The following TMPRSS15 variants were observed in gnomAD, a reference collection of about 807,000 sequenced individuals.
The protein encoded by TMPRSS15 is enteropeptidase.
TMPRSS15 carries 128 observed loss-of-function variants against 125.3 expected under a neutral mutation model. That is an observed-to-expected ratio of 1.02 (90% CI 0.89 to 1.18). TMPRSS15 has a LOEUF of 1.18. TMPRSS15 is among the 50% of genes most tolerant of loss of function. The pLI is 0.00. For synonymous variants in TMPRSS15, 446 were observed against 423.2 expected, an observed-to-expected ratio of 1.05 and a Z score of -0.66; for missense variants, 1,283 against 1,212.7, an observed-to-expected ratio of 1.06 and a Z score of -0.86.
At chr21:18,273,817 TG>T (rs1236467634) in intron 24 of TMPRSS15, among the ~76,000 whole-genome samples, 16 of 152,346 alleles carry the variant, frequency 1.1e-4, no homozygotes. Flanking sequence ...CCATCCTATT[TG>T]TCTTGAATTT....
At chr21:18,300,709 T>G (rs983408089) in intron 18 of TMPRSS15, among the ~76,000 whole-genome samples, 4 of 152,204 alleles carry the variant, frequency 2.6e-5, no homozygotes, top group Admixed American at 6.5e-5. Context: ...GAACAAGTAT[T>G]TAAAAATTAT....
At chr21:18,405,715 T>C (rs947316670), upstream of TMPRSS15, among the ~76,000 whole-genome samples, 1 of 152,186 alleles carries the variant, frequency 6.6e-6, no homozygotes, top group South Asian at 2.1e-4. Context: ...GAACTTCAGA[T>C]CTTCATCTCA....
rs2075655851 is a variant in TMPRSS15, at chr21:18,359,270, T to G, written c.880+487A>C. On this transcript the variant is annotated intron_variant, in intron 8 of 24. Coordinates refer to ENST00000284885, the MANE Select transcript of TMPRSS15 (RefSeq NM_002772.3). ...ATAGTAACAATACCATCCATCCACA[T>G]CTATCATTTACTTAGCCTACCTCCT... Among the ~76,000 whole-genome samples the G allele has an allele frequency of 2.6e-5, 4 of 152,072 alleles. No homozygotes were observed. The South Asian group carries it at 8.3e-4, about 31-fold the overall frequency.
chr21:18,425,581 A>G (rs966356556), intron 1 of TMPRSS15, among the ~76,000 whole-genome samples: 7 of 152,186 alleles, frequency 4.6e-5, no homozygotes, highest in Admixed American at 3.9e-4. Context: ...ATGGTCTTAC[A>G]TGATATGTGA....
intron 1 of TMPRSS15, among the ~76,000 whole-genome samples, chr21:18,446,413 A>G (rs964172020): frequency 5.3e-5 from 8 of 152,188 alleles, no homozygotes; most frequent in African/African-American, 1.9e-4. Context: ...ATCCCTATCA[A>G]AATACCAAGA....
At chr21:18,304,417 G>A (rs1276775867) in intron 18 of TMPRSS15, among the ~76,000 whole-genome samples, 1 of 152,068 alleles carries the variant, frequency 6.6e-6, no homozygotes, top group Non-Finnish European at 1.5e-5. Flanking sequence ...GAATGACCTC[G>A]GCCTTTTAAA....
Position 18,296,966 on chromosome 21 carries a change from T to C in TMPRSS15, c.2261+768A>G, listed in dbSNP as rs185048501. ...TGAATAATTATCTAATTTCATTTTT[T>C]ACCATGAAACAAAATATACCAGCAA... On this transcript the variant is annotated intron_variant, in intron 19 of 24. Transcript: ENST00000284885. Among the ~76,000 whole-genome samples, 11 of 152,352 alleles carry C rather than the reference T, an allele frequency of 7.2e-5. No homozygotes were observed. In the East Asian group the frequency reaches 1.3e-3, roughly 19 times the overall value.
intron 16 of TMPRSS15, among the ~76,000 whole-genome samples, chr21:18,319,064 C>T (rs529772695): frequency 1.6e-4 from 24 of 151,784 alleles, no homozygotes; most frequent in South Asian, 1.3e-3. Flanking sequence ...AATTGGCTGA[C>T]GGTAATTCTA....
rs183574102 is a variant in TMPRSS15, at chr21:18,399,223, A to T, written c.146-894T>A. ...GGGTAATTGGAGTTTAGAACGATTA[A>T]GAAAATTTCTCAAGGTAGTAAAGGT... is the stretch of plus-strand genomic sequence containing the variant. On this transcript the variant is annotated intron_variant, in intron 1 of 24. Coordinates refer to ENST00000284885, the MANE Select transcript of TMPRSS15 (RefSeq NM_002772.3). Among the ~76,000 whole-genome samples the T allele has an allele frequency of 1.2e-4, 18 of 152,254 alleles. No homozygotes were observed. In the East Asian group the frequency reaches 2.7e-3, roughly 23 times the overall value.
At chr21:18,281,709 G>C (rs1030962013) in intron 21 of TMPRSS15, among the ~76,000 whole-genome samples, 2 of 152,158 alleles carry the variant, frequency 1.3e-5, no homozygotes, top group African/African-American at 4.8e-5. Flanking sequence ...TCCCTGTTAA[G>C]GGCTTTTTCA....
chr21:18,365,045 C>T, intron 7 of TMPRSS15, 95 bp downstream of exon 7: 1 of 1,049,326 alleles, frequency 9.5e-7, no homozygotes, highest in Non-Finnish European at 1.5e-6. Context: ...TTAATGAAAA[C>T]AATGATTCTT....
rs955677816 is a variant in TMPRSS15, at chr21:18,269,317, A to T, written c.*652T>A. The T allele has an allele frequency of 2.6e-5, 4 of 152,222 alleles. No individual in the cohort carries two copies. Among genetic ancestry groups the T allele is most frequent in the African/African-American group, 9.6e-5 (4 of 41,452 alleles). 9.4% of individuals were successfully genotyped at this position (152,222 alleles called of 1,614,324 possible). A position where few individuals can be genotyped will look rare whatever the true frequency, so the allele number is the denominator to read the frequency against. ...TGCTTGAAATAAATAGGTAAAATTT[A>T]TCTAATATACAATGACTATATCAGT... is the stretch of plus-strand genomic sequence containing the variant. On this transcript the variant is annotated 3_prime_UTR_variant, in exon 25 of 25. Transcript: ENST00000284885.
At chr21:18,388,201 T>G (rs1601425322) in intron 3 of TMPRSS15, among the ~76,000 whole-genome samples, 1 of 152,148 alleles carries the variant, frequency 6.6e-6, no homozygotes, top group African/African-American at 2.4e-5. Context: ...CAGAGGGAAG[T>G]ATCTCTACAC....
chr21:18,478,549 T>C (rs1255331588), intron 1 of TMPRSS15, among the ~76,000 whole-genome samples: 2 of 152,032 alleles, frequency 1.3e-5, no homozygotes, highest in Non-Finnish European at 2.9e-5. Flanking sequence ...CAGACATTAA[T>C]TGGATTTCAC....
chr21:18,412,654 T>C (rs1234198594), intron 1 of TMPRSS15, among the ~76,000 whole-genome samples: 1 of 152,184 alleles, frequency 6.6e-6, no homozygotes, highest in Non-Finnish European at 1.5e-5. Flanking sequence ...GCCAGGTATG[T>C]AGTGTGATTT....
At chr21:18,275,486 A>G in intron 23 of TMPRSS15, 150 bp from the exon 24 acceptor site, 1 of 950,496 alleles carries the variant, frequency 1.1e-6, no homozygotes, top group East Asian at 2.6e-5. Flanking sequence ...AACCTTGCAC[A>G]CTAAAGCACA....
intron 13 of TMPRSS15, among the ~76,000 whole-genome samples, chr21:18,338,131 T>C (rs929980700): frequency 8.5e-5 from 13 of 152,278 alleles, no homozygotes; most frequent in African/African-American, 2.2e-4. Flanking sequence ...GTCATATAGA[T>C]ACATTTTTAA....
intron 1 of TMPRSS15, among the ~76,000 whole-genome samples, chr21:18,438,393 G>A (rs1327920940): frequency 1.3e-5 from 2 of 151,536 alleles, no homozygotes; most frequent in African/African-American, 4.9e-5. Flanking sequence ...GAGTTAATGG[G>A]TGCAGCACAC....
At chr21:18,287,803 T>C (rs979911086) in intron 21 of TMPRSS15, among the ~76,000 whole-genome samples, 2 of 152,186 alleles carry the variant, frequency 1.3e-5, no homozygotes, top group African/African-American at 4.8e-5. Flanking sequence ...AGTAAGATAG[T>C]ATTAACTTTT....
Sources: gnomAD v4.1 joint callset for allele counts (sites outside exome capture counted in the v4.1 genomes callset) on GRCh38, gnomAD v4.1.1 for gene constraint, MANE v1.5 for transcripts, NCBI Gene and HGNC (gene_info 2026-07-23, HGNC 2026-07-21) for gene names.